HMG20A: variants seen among roughly 807,000 people sequenced by gnomAD.
HMG20A encodes the protein high mobility group 20A, also known as high mobility group protein 20A.
HMG20A carries 17 observed loss-of-function variants against 43.9 expected under a neutral mutation model. That is an observed-to-expected ratio of 0.39 (90% CI 0.27 to 0.58). The LOEUF (loss-of-function observed/expected upper bound fraction) is 0.58. HMG20A is among the 20% of genes least tolerant of loss of function. The pLI, the probability that HMG20A is intolerant of heterozygous loss-of-function variation, is 0.59. For missense variants in HMG20A, 341 were observed against 438.2 expected (o/e 0.78, Z 1.98); for synonymous variants, 132 against 147.5 (o/e 0.89, Z 0.76).
chr15:77,421,291 TC>T (rs1409001096), intron 1 of HMG20A, among the ~76,000 whole-genome samples: 4 of 152,208 alleles, frequency 2.6e-5, no homozygotes, highest in African/African-American at 7.2e-5. Flanking sequence ...GGAGACATTA[TC>T]TTGCAGCTTG....
chr15:77,518,815 C>G, the HMG20A span, among the ~76,000 whole-genome samples: 1 of 152,200 alleles, frequency 6.6e-6, no homozygotes, highest in Non-Finnish European at 1.5e-5. Context: ...CACAGGCTGT[C>G]CAAAGGGATT....
At chr15:77,506,869 G>A in the HMG20A span, among the ~76,000 whole-genome samples, 1 of 152,212 alleles carries the variant, frequency 6.6e-6, no homozygotes, top group Non-Finnish European at 1.5e-5. Flanking sequence ...GAGAAGGAAG[G>A]TCGGCCAGCG....
chr15:77,445,310 T>C (rs1313474860), intron 1 of HMG20A, among the ~76,000 whole-genome samples: 1 of 152,212 alleles, frequency 6.6e-6, no homozygotes, highest in Admixed American at 6.5e-5. Flanking sequence ...CAGTGTTCCT[T>C]GAACCAATAA....
At chr15:77,446,293 A>G (rs1021452633) in intron 1 of HMG20A, among the ~76,000 whole-genome samples, 3 of 151,918 alleles carry the variant, frequency 2.0e-5, no homozygotes, top group Non-Finnish European at 4.4e-5. Context: ...CCCTTTTTCC[A>G]CGTCCCCTAC....
rs749576606 is a variant in HMG20A, at chr15:77,467,166, C to A, written c.309C>A (p.Pro103=). The change falls in exon 4 of 10, where the codon CCC becomes CCA. Residue 103 remains proline, a synonymous_variant. Transcript: ENST00000336216. The part of the protein sequence containing the change: ...RKKPLRDSNA[P]KSPLTGYVRF... ...AACCTCTTCGAGACAGCAATGCACCCAAATCCCCCCTTACAGGATATGTTC... is the reference window on the plus strand; with the variant it reads ...AACCTCTTCGAGACAGCAATGCACCAAAATCCCCCCTTACAGGATATGTTC... 4 of 1,613,948 alleles carry A rather than the reference C, an allele frequency of 2.5e-6. No homozygotes were observed. The African/African-American group carries it at 4.0e-5, about 16-fold the overall frequency.
chr15:77,489,669 AG>A (rs2072962924), downstream of HMG20A, among the ~76,000 whole-genome samples: 1 of 152,234 alleles, frequency 6.6e-6, no homozygotes, highest in East Asian at 1.9e-4. Flanking sequence ...GGATAGAGAA[AG>A]GCCTTTCTGA....
chr15:77,457,770 G>C (rs1240222503), intron 1 of HMG20A, among the ~76,000 whole-genome samples: 1 of 152,148 alleles, frequency 6.6e-6, no homozygotes, highest in Non-Finnish European at 1.5e-5. Flanking sequence ...CTTTGACTGA[G>C]AGCCACATCA....
intron 9 of HMG20A, 21 bp downstream of exon 9, chr15:77,479,342 A>G (rs2072886764): frequency 1.9e-6 from 3 of 1,608,664 alleles, no homozygotes; most frequent in Admixed American, 3.4e-5. Context: ...ACTGATAAAT[A>G]TTTATATGCC....
downstream of HMG20A, among the ~76,000 whole-genome samples, chr15:77,485,950 A>T (rs1039418254): frequency 1.2e-4 from 19 of 152,212 alleles, no homozygotes; most frequent in Non-Finnish European, 2.2e-4. Context: ...AAAAATAAAT[A>T]AAAAAGTTCT....
At chr15:77,516,733 C>A in the HMG20A span, among the ~76,000 whole-genome samples, 1 of 152,162 alleles carries the variant, frequency 6.6e-6, no homozygotes, top group African/African-American at 2.4e-5. Context: ...TTAAACAGAA[C>A]TTCCCAGGGG....
At chr15:77,467,994 A>ATGAAATACATCCCAG (rs1291502905) in intron 4 of HMG20A, among the ~76,000 whole-genome samples, 1 of 152,228 alleles carries the variant, frequency 6.6e-6, no homozygotes, top group East Asian at 1.9e-4. Flanking sequence ...TATTTCTTTT[A>ATGAAATACATCCCAG]CGTCTTAAAC....
intron 1 of HMG20A, among the ~76,000 whole-genome samples, chr15:77,433,770 G>A (rs1009975061): frequency 6.6e-6 from 1 of 152,172 alleles, no homozygotes; most frequent in Non-Finnish European, 1.5e-5. Flanking sequence ...ATAATAGGTA[G>A]TCATAGATTG....
chr15:77,505,515 C>T, the HMG20A span, among the ~76,000 whole-genome samples: 10 of 152,322 alleles, frequency 6.6e-5, no homozygotes, highest in East Asian at 1.9e-4. Flanking sequence ...CCACACCCTA[C>T]GCCTCCCATG....
intron 9 of HMG20A, among the ~76,000 whole-genome samples, chr15:77,481,613 T>C (rs1386014558): frequency 1.3e-5 from 2 of 152,226 alleles, no homozygotes; most frequent in Non-Finnish European, 2.9e-5. Context: ...TAAACTATAT[T>C]ATTTGTTTTC....
At position 77,469,233 on chromosome 15, in the gene HMG20A, G is replaced by C. The variant is rs1052824917; in HGVS notation, c.451-1677G>C. ...ATTAATAAGTAATCTATGGGGAGAC[G>C]ATTTAAGAACATACAAACAGCCTGT... On this transcript the variant is annotated intron_variant, in intron 4 of 9. Coordinates refer to ENST00000336216, the MANE Select transcript of HMG20A (RefSeq NM_001304504.2). 3.1e-4 allele frequency among the ~76,000 whole-genome samples: 32 copies of C among 103,940 alleles called. 1 individual carries two copies. The highest frequency in any genetic ancestry group is 2.6e-3 in the Admixed American group (26 of 9,962). 68.2% of individuals were successfully genotyped at this position (103,940 alleles called of 152,430 possible). A position where few individuals can be genotyped will look rare whatever the true frequency, so the allele number is the denominator to read the frequency against.
At chr15:77,431,350 T>TA (rs2073482885) in intron 1 of HMG20A, among the ~76,000 whole-genome samples, 1 of 152,148 alleles carries the variant, frequency 6.6e-6, no homozygotes. Flanking sequence ...TAGCTGGGAT[T>TA]ACAGGTGCAT....
At chr15:77,493,413 G>T in the HMG20A span, among the ~76,000 whole-genome samples, 1 of 152,278 alleles carries the variant, frequency 6.6e-6, no homozygotes, top group Middle Eastern at 3.4e-3. Flanking sequence ...GCAGGGAAAT[G>T]TAGGGGAAAA....
At chr15:77,440,802 T>C (rs1020899355) in intron 1 of HMG20A, among the ~76,000 whole-genome samples, 17 of 152,298 alleles carry the variant, frequency 1.1e-4, no homozygotes, top group African/African-American at 3.8e-4. Flanking sequence ...TTTCCTCTTA[T>C]GTTTCTGAAA....
intron 1 of HMG20A, among the ~76,000 whole-genome samples, chr15:77,425,232 G>A (rs1423385097): frequency 6.6e-6 from 1 of 152,008 alleles, no homozygotes; most frequent in Non-Finnish European, 1.5e-5. Flanking sequence ...TGTTTTTATT[G>A]CGTTGTTGTA....
Sources: gnomAD v4.1 joint callset for allele counts (sites outside exome capture counted in the v4.1 genomes callset) on GRCh38, gnomAD v4.1.1 for gene constraint, MANE v1.5 for transcripts, NCBI Gene and HGNC (gene_info 2026-07-23, HGNC 2026-07-21) for gene names.